The following OBI1 variants were observed in gnomAD, a reference collection of about 807,000 sequenced individuals.
OBI1 encodes the protein ring finger protein 219.
Under a neutral mutation model 62.4 loss-of-function variants are expected in OBI1, and 59 were observed. The ratio of observed to expected loss-of-function variants is 0.95; its 90% CI spans 0.77 to 1.17. OBI1 has a LOEUF of 1.17. OBI1 is among the 50% of genes most tolerant of loss of function. The pLI, the probability that OBI1 is intolerant of heterozygous loss-of-function variation, is 0.00. For missense variants in OBI1, 875 were observed against 830.9 expected, an observed-to-expected ratio of 1.05 and a Z score of -0.65; for synonymous variants, 302 against 292.8, an observed-to-expected ratio of 1.03 and a Z score of -0.32.
intron 4 of OBI1, among the ~76,000 whole-genome samples, chr13:78,635,977 G>T (rs1205208823): frequency 1.3e-5 from 2 of 152,034 alleles, no homozygotes; most frequent in Non-Finnish European, 2.9e-5. Context: ...TGGCCAGGCT[G>T]GTCTTGAACT....
chr13:78,640,022 C>G (rs1032982690), intron 3 of OBI1, among the ~76,000 whole-genome samples: 28 of 151,712 alleles, frequency 1.8e-4, no homozygotes, highest in Non-Finnish European at 5.9e-5. Flanking sequence ...AAAAACAAAA[C>G]AAAACAAACA....
At chr13:78,657,606 C>G (rs1566289784) in intron 1 of OBI1, among the ~76,000 whole-genome samples, 1 of 152,084 alleles carries the variant, frequency 6.6e-6, no homozygotes, top group East Asian at 1.9e-4. Flanking sequence ...TCGTTAAATA[C>G]AAAAAGTATA....
intron 5 of OBI1, among the ~76,000 whole-genome samples, chr13:78,628,555 G>A (rs1875750680): frequency 6.6e-6 from 1 of 152,210 alleles, no homozygotes; most frequent in African/African-American, 2.4e-5. Context: ...TAGTAGAACT[G>A]GAGTAGGATG....
intron 5 of OBI1, among the ~76,000 whole-genome samples, chr13:78,631,037 T>C (rs1201829891): frequency 6.6e-6 from 1 of 152,194 alleles, no homozygotes; most frequent in Non-Finnish European, 1.5e-5. Flanking sequence ...TGTTTCATAG[T>C]TCTTTTTTAC....
chr13:78,624,051 C>T (rs750007743), intron 5 of OBI1, among the ~76,000 whole-genome samples: 1 of 152,150 alleles, frequency 6.6e-6, no homozygotes, highest in Non-Finnish European at 1.5e-5. Flanking sequence ...GATAAACTTG[C>T]CTGGTTCATG....
chr13:78,647,644 C>T (rs1450193390), intron 1 of OBI1, among the ~76,000 whole-genome samples: 1 of 152,184 alleles, frequency 6.6e-6, no homozygotes, highest in Non-Finnish European at 1.5e-5. Context: ...AGACCAGTGC[C>T]GGTGCAGGTC....
intron 4 of OBI1, among the ~76,000 whole-genome samples, chr13:78,635,640 T>C (rs2137448488): frequency 6.6e-6 from 1 of 152,358 alleles, no homozygotes; most frequent in East Asian, 1.9e-4. Context: ...TTTTTTCTAG[T>C]GATAACAAAT....
chr13:78,617,043 G>A lies in OBI1; in HGVS notation c.718C>T (p.Leu240=). ...ERETNRLKKA[L]ERSDKYIEEL... The stretch of plus-strand genomic sequence containing the variant: ...TCTATATACTTATCACTTCGTTCCA[G>A]GGCTTTCTTGAGGCGATTGGTTTCA... The change falls in exon 6 of 6, where the codon CTG becomes TTG. Residue 240 remains leucine (L), a synonymous_variant. Coordinates refer to ENST00000282003, the MANE Select transcript of OBI1 (RefSeq NM_024546.4). The A allele has an allele frequency of 6.2e-7, 1 of 1,613,186 alleles. No homozygotes were observed. Among genetic ancestry groups the A allele is most frequent in the Non-Finnish European group, 8.5e-7 (1 of 1,179,730 alleles).
At chr13:78,646,672 C>T (rs1876393218) in intron 1 of OBI1, among the ~76,000 whole-genome samples, 1 of 152,122 alleles carries the variant, frequency 6.6e-6, no homozygotes, top group Non-Finnish European at 1.5e-5. Context: ...AGAACCACCA[C>T]AAACCACTTT....
chr13:78,640,447 T>C (rs1227236091), intron 3 of OBI1, among the ~76,000 whole-genome samples: 2 of 152,172 alleles, frequency 1.3e-5, no homozygotes, highest in African/African-American at 4.8e-5. Context: ...ATATTTATTT[T>C]TTTAATTTTC....
intron 5 of OBI1, among the ~76,000 whole-genome samples, chr13:78,632,892 T>C (rs777599499): frequency 4.6e-5 from 7 of 152,228 alleles, no homozygotes; most frequent in Non-Finnish European, 8.8e-5. Flanking sequence ...AAGTTAAAGA[T>C]GGAAAAATCC....
rs7991101 is a variant in OBI1, at chr13:78,652,172, T to C, written c.72+6877A>G. 5.0e-3 allele frequency among the ~76,000 whole-genome samples: 756 copies of C among 152,280 alleles called. 3 individuals are homozygous for C. The highest frequency in any genetic ancestry group is 0.016 in the African/African-American group (674 of 41,550). On this transcript the variant is annotated intron_variant, in intron 1 of 5. Transcript: ENST00000282003. ...TAATTCATTTCTTTGGAAATGAATA[T>C]TGGAATGAGTATTTATCAGATGATG...
intron 5 of OBI1, among the ~76,000 whole-genome samples, chr13:78,630,005 C>A (rs1875797911): frequency 6.6e-6 from 1 of 152,088 alleles, no homozygotes; most frequent in South Asian, 2.1e-4. Context: ...GAAGGGACCG[C>A]TTAGTACTCC....
chr13:78,616,677 T>C lies in OBI1; in HGVS notation c.1084A>G (p.Thr362Ala). ...TTCCCCCATTCTCTTTCCAAATAAG[T>C]ATCCATACTTGTATCTGTCACATCT... ...MLDVTDTSMDTYLEREWGNKP... is the reference protein window; with the variant it reads ...MLDVTDTSMDAYLEREWGNKP... The change falls in exon 6 of 6, where the codon ACT becomes GCT. Residue 362 changes from threonine to alanine, a missense_variant. Thr to Ala is a moderately conservative substitution (Grantham distance 58, BLOSUM62 0). Coordinates refer to ENST00000282003, the MANE Select transcript of OBI1 (RefSeq NM_024546.4). 1 of 1,614,170 alleles carries C rather than the reference T, an allele frequency of 6.2e-7. No homozygotes were observed. The highest frequency in any genetic ancestry group is 1.1e-5 in the South Asian group (1 of 91,088).
At chr13:78,654,802 A>AT (rs1876650429) in intron 1 of OBI1, among the ~76,000 whole-genome samples, 1 of 152,138 alleles carries the variant, frequency 6.6e-6, no homozygotes, top group African/African-American at 2.4e-5. Context: ...AGAAATCATA[A>AT]TTTTATGGAG....
At chr13:78,628,170 C>T (rs901110232) in intron 5 of OBI1, among the ~76,000 whole-genome samples, 4 of 152,186 alleles carry the variant, frequency 2.6e-5, no homozygotes. Context: ...TTAACTCTTA[C>T]TATTACTTAC....
intron 2 of OBI1, among the ~76,000 whole-genome samples, chr13:78,642,760 G>C (rs923747495): frequency 6.6e-6 from 1 of 152,074 alleles, no homozygotes; most frequent in East Asian, 1.9e-4. Context: ...GGTGGCTGGC[G>C]CCTGTAGTCC....
chr13:78,642,235 T>A (rs1876240340), intron 2 of OBI1, 22 bp from the exon 3 acceptor site: 1 of 1,261,268 alleles, frequency 7.9e-7, no homozygotes. Context: ...AAAAAAAAAA[T>A]CCTAATTTTT....
intron 5 of OBI1, among the ~76,000 whole-genome samples, chr13:78,625,091 C>T (rs1472890353): frequency 6.6e-6 from 1 of 152,170 alleles, no homozygotes; most frequent in South Asian, 2.1e-4. Flanking sequence ...CCCTCTGCTC[C>T]CTTCAACCAA....
Sources: allele counts gnomAD v4.1 joint callset (sites outside exome capture counted in the v4.1 genomes callset), GRCh38; gene constraint gnomAD v4.1.1; transcripts MANE v1.5; gene names NCBI Gene and HGNC (gene_info 2026-07-23, HGNC 2026-07-21).